The following PRKAR1B variants were observed in gnomAD, a reference collection of about 807,000 sequenced individuals.
PRKAR1B encodes protein kinase cAMP-dependent type I regulatory subunit beta.
Under a neutral mutation model 46.5 loss-of-function variants are expected in PRKAR1B, and 22 were observed. The ratio of observed to expected loss-of-function variants is 0.47; its 90% confidence interval spans 0.34 to 0.68. The LOEUF is 0.68. PRKAR1B is among the 30% of genes least tolerant of loss of function. The pLI is 0.01. For synonymous variants in PRKAR1B, 259 were observed against 217.7 expected (o/e 1.19, Z -1.67); for missense variants, 445 against 535.6 (o/e 0.83, Z 1.67).
intron 9 of PRKAR1B, among the ~76,000 whole-genome samples, chr7:578,374 G>A (rs1252602985): frequency 6.6e-6 from 1 of 152,238 alleles, no homozygotes; most frequent in African/African-American, 2.4e-5. Flanking sequence ...CTGTGGTGGG[G>A]CCGTGGCGTG....
At chr7:726,617 G>A (rs942458326) in intron 1 of PRKAR1B, 14 of 922,848 alleles carry the variant, frequency 1.5e-5, no homozygotes, top group Admixed American at 4.4e-5. Context: ...CGGGGAGGAA[G>A]TAGCCCGGCG....
At chr7:624,533 A>C (rs2128475259) in intron 4 of PRKAR1B, among the ~76,000 whole-genome samples, 1 of 152,332 alleles carries the variant, frequency 6.6e-6, no homozygotes, top group African/African-American at 2.4e-5. Context: ...TGTGGCTAGC[A>C]GGCTGTTTAT....
intron 9 of PRKAR1B, among the ~76,000 whole-genome samples, chr7:553,007 G>A (rs1386837064): frequency 6.6e-6 from 1 of 152,268 alleles, no homozygotes; most frequent in Non-Finnish European, 1.5e-5. Context: ...GCTACGCACA[G>A]ATGCAGCCTG....
chr7:628,694 G>A (rs1380639518), intron 4 of PRKAR1B, among the ~76,000 whole-genome samples: 1 of 152,176 alleles, frequency 6.6e-6, no homozygotes, highest in Non-Finnish European at 1.5e-5. Flanking sequence ...CAATGTCTCA[G>A]GTGCACTGCA....
At chr7:577,026 C>G in intron 9 of PRKAR1B, among the ~76,000 whole-genome samples, 1 of 137,728 alleles carries the variant, frequency 7.3e-6, no homozygotes, top group Non-Finnish European at 1.6e-5. Flanking sequence ...CCTCACCCAA[C>G]GCCATCAGCG....
intron 9 of PRKAR1B, among the ~76,000 whole-genome samples, chr7:568,236 C>A (rs1001978840): frequency 1.3e-5 from 2 of 152,082 alleles, no homozygotes; most frequent in Non-Finnish European, 2.9e-5. Context: ...GTTTCCCACC[C>A]CTGTCCTGGA....
chr7:567,698 G>C (rs1317420804), intron 9 of PRKAR1B, among the ~76,000 whole-genome samples: 1 of 152,214 alleles, frequency 6.6e-6, no homozygotes, highest in Non-Finnish European at 1.5e-5. Flanking sequence ...CCTTGAAAAG[G>C]AAGGACATTC....
At chr7:646,997 C>A (rs1244539089) in intron 4 of PRKAR1B, among the ~76,000 whole-genome samples, 1 of 152,156 alleles carries the variant, frequency 6.6e-6, no homozygotes, top group African/African-American at 2.4e-5. Flanking sequence ...CTGGCCCAGG[C>A]TGCTCAGCTT....
At chr7:703,300 G>A (rs899609410) in intron 2 of PRKAR1B, among the ~76,000 whole-genome samples, 2 of 152,164 alleles carry the variant, frequency 1.3e-5, no homozygotes, top group African/African-American at 4.8e-5. Flanking sequence ...AATTATAATT[G>A]GAAGTTTCAA....
chr7:659,444 G>A (rs1332144791), intron 4 of PRKAR1B, among the ~76,000 whole-genome samples: 4 of 152,142 alleles, frequency 2.6e-5, no homozygotes, highest in African/African-American at 7.2e-5. Context: ...AAGTGACCAC[G>A]AAAGGGGGAG....
rs1126837 is a variant in PRKAR1B, at chr7:549,429, A to G, written c.*1001T>C. The G allele has an allele frequency of 0.54, 81,593 of 152,192 alleles. 22,205 individuals are homozygous for G. Among genetic ancestry groups the G allele is most frequent in the Admixed American group, 0.63 (9,628 of 15,298 alleles). The allele number at this position is 152,192 out of a possible 1,614,324, so 9.4% of individuals were successfully genotyped here. A position where few individuals can be genotyped will look rare whatever the true frequency, so the allele number is the denominator to read the frequency against. On this transcript the variant is annotated 3_prime_UTR_variant, in exon 11 of 11. Transcript: ENST00000537384. ...GGACGCACGGGACAGGAGCAACATC[A>G]GGTGAACTGCAATGACCTCGCTTGT...
chr7:627,107 T>G, intron 4 of PRKAR1B, among the ~76,000 whole-genome samples: 1 of 152,180 alleles, frequency 6.6e-6, no homozygotes, highest in Non-Finnish European at 1.5e-5. Flanking sequence ...TCTCTTGACC[T>G]CGTGATCCGC....
At chr7:583,289 G>A (rs186174774) in intron 8 of PRKAR1B, among the ~76,000 whole-genome samples, 2 of 152,074 alleles carry the variant, frequency 1.3e-5, no homozygotes, top group African/African-American at 2.4e-5. Flanking sequence ...GAGAGAACAG[G>A]GGTCAAAGTC....
At chr7:642,270 A>T (rs549996714) in intron 4 of PRKAR1B, among the ~76,000 whole-genome samples, 34 of 152,316 alleles carry the variant, frequency 2.2e-4, no homozygotes, top group Admixed American at 1.9e-3. Flanking sequence ...AGGATTAACC[A>T]TAAACAGGCA....
intron 9 of PRKAR1B, among the ~76,000 whole-genome samples, chr7:576,968 G>A (rs1197219062): frequency 6.6e-6 from 1 of 151,544 alleles, no homozygotes; most frequent in Non-Finnish European, 1.5e-5. Flanking sequence ...AACGCCATCA[G>A]CGGCCTCGTC....
chr7:627,595 C>T (rs1301527982), intron 4 of PRKAR1B, among the ~76,000 whole-genome samples: 7 of 152,206 alleles, frequency 4.6e-5, no homozygotes, highest in East Asian at 1.9e-4. Flanking sequence ...AATATCACAC[C>T]GTCCGGGGCA....
chr7:588,683 GATGGTGA>G (rs1780767305), intron 7 of PRKAR1B, among the ~76,000 whole-genome samples: 1 of 38,568 alleles, frequency 2.6e-5, no homozygotes, highest in Non-Finnish European at 5.8e-5. Context: ...TGATGACGAT[GATGGTGA>G]TGGTGGTGAT....
intron 4 of PRKAR1B, among the ~76,000 whole-genome samples, chr7:627,560 C>T (rs538639462): frequency 1.3e-5 from 2 of 152,206 alleles, no homozygotes; most frequent in Non-Finnish European, 2.9e-5. Flanking sequence ...GCTGACCCCC[C>T]CAATCCATCA....
Position 606,181 on chromosome 7 carries a change from A to AGC in PRKAR1B, c.549+10_549+11dup, listed in dbSNP as rs748231188. ...ACGCGCTATTTTCCAAAGACAAGTTAGCGACACTCACATCCACTTCCCCTT... is the reference window on the plus strand; with the variant it reads ...ACGCGCTATTTTCCAAAGACAAGTTAGCGCGACACTCACATCCACTTCCCCTT... On this transcript the variant is annotated intron_variant, in intron 6 of 10. Transcript: ENST00000537384. The AGC allele has an allele frequency of 2.5e-6, 4 of 1,613,736 alleles. No individual in the cohort carries two copies. Among genetic ancestry groups the AGC allele is most frequent in the Non-Finnish European group, 3.4e-6 (4 of 1,179,726 alleles).
Sources: gnomAD v4.1 joint callset for allele counts (sites outside exome capture counted in the v4.1 genomes callset) on GRCh38, gnomAD v4.1.1 for gene constraint, MANE v1.5 for transcripts, NCBI Gene and HGNC (gene_info 2026-07-23, HGNC 2026-07-21) for gene names.